ACLY: variants seen among roughly 807,000 people sequenced by gnomAD.
The protein encoded by ACLY is ATP citrate lyase, also known as ATP-citrate synthase.
ACLY carries 41 observed loss-of-function variants against 133.0 expected under a neutral mutation model. The observed-to-expected ratio is 0.31, with a 90% CI of 0.24 to 0.40. The LOEUF (loss-of-function observed/expected upper bound fraction) is 0.40, where lower values mean the gene tolerates loss of function less well. ACLY is among the 10% of genes least tolerant of loss of function. The pLI, the probability that ACLY is intolerant of heterozygous loss-of-function variation, is 1.00. For missense variants in ACLY, 1,046 were observed against 1,453.8 expected, an observed-to-expected ratio of 0.72 and a Z score of 4.56; for synonymous variants, 495 against 549.3, an observed-to-expected ratio of 0.90 and a Z score of 1.38.
At chr17:41,898,199 G>A (rs782202435) in intron 12 of ACLY, among the ~76,000 whole-genome samples, 5 of 151,966 alleles carry the variant, frequency 3.3e-5, no homozygotes, top group South Asian at 2.1e-4. Context: ...TGCAACCTCC[G>A]CCTCCCAGGT....
chr17:41,922,916 C>G (rs982262844), upstream of ACLY, among the ~76,000 whole-genome samples: 2 of 152,216 alleles, frequency 1.3e-5, no homozygotes, highest in African/African-American at 4.8e-5. Context: ...TTTCTGCCCC[C>G]AACGCCCAGC....
chr17:41,915,643 C>T (rs2050032035), intron 1 of ACLY, among the ~76,000 whole-genome samples: 1 of 152,124 alleles, frequency 6.6e-6, no homozygotes, highest in Non-Finnish European at 1.5e-5. Flanking sequence ...TCTGGCCTTC[C>T]CCTGGAATGA....
chr17:41,915,684 G>A (rs1180443062), intron 1 of ACLY, among the ~76,000 whole-genome samples: 1 of 152,142 alleles, frequency 6.6e-6, no homozygotes, highest in Admixed American at 6.5e-5. Context: ...TGAGTTTCCA[G>A]AGACGTCCCA....
At chr17:41,924,578 A>T (rs2050220110) in intron 1 of ACLY, among the ~76,000 whole-genome samples, 1 of 152,104 alleles carries the variant, frequency 6.6e-6, no homozygotes, top group South Asian at 2.1e-4. Flanking sequence ...AGAGCCAAGG[A>T]TTCTAACTTC....
chr17:41,884,402 C>A, intron 18 of ACLY, 128 bp from the exon 19 acceptor site: 1 of 629,938 alleles, frequency 1.6e-6, no homozygotes, highest in Non-Finnish European at 2.9e-6. Context: ...CAGTAAGGGT[C>A]CAGAGATGCC....
Position 41,871,671 on chromosome 17 carries a change from AG to A in ACLY, c.2937+17del, listed in dbSNP as rs1555625058. The A allele has an allele frequency of 6.2e-7, 1 of 1,613,806 alleles. No homozygotes were observed. The highest frequency in any genetic ancestry group is 2.2e-5 in the East Asian group (1 of 44,872). On this transcript the variant is annotated intron_variant, in intron 25 of 28. Coordinates refer to ENST00000352035, the MANE Select transcript of ACLY (RefSeq NM_001096.3). ...CGCCTGGCCTCCATCCCACTTTTTT[AG>A]GAGAGTAACAACTCACCGACTTCAC...
intron 2 of ACLY, among the ~76,000 whole-genome samples, chr17:41,913,431 G>A (rs1026205807): frequency 6.6e-6 from 1 of 152,212 alleles, no homozygotes; most frequent in African/African-American, 2.4e-5. Context: ...ACTCAAAAGA[G>A]GTGAAATGGC....
At position 41,904,711 on chromosome 17, in the gene ACLY, C is replaced by T. The variant is rs1400662829; in HGVS notation, c.1065+18G>A. On this transcript the variant is annotated intron_variant, in intron 10 of 28. Coordinates refer to ENST00000352035, the MANE Select transcript of ACLY (RefSeq NM_001096.3). Reference sequence around the variant, plus strand: ...AAACCACTTTCCCCAGAAACTGCACCACTGTTGCAACTGTTACCTTGAACG... The same window carrying T: ...AAACCACTTTCCCCAGAAACTGCACTACTGTTGCAACTGTTACCTTGAACG... 6.2e-7 allele frequency: 1 copy of T among 1,612,120 alleles called. No homozygotes were observed. The highest frequency in any genetic ancestry group is 8.5e-7 in the Non-Finnish European group (1 of 1,178,372).
At chr17:41,884,792 C>A (rs868952435) in intron 18 of ACLY, among the ~76,000 whole-genome samples, 2 of 152,112 alleles carry the variant, frequency 1.3e-5, no homozygotes, top group Admixed American at 1.3e-4. Flanking sequence ...GTGGCTGAGA[C>A]GGGAGGATCG....
intron 18 of ACLY, among the ~76,000 whole-genome samples, chr17:41,885,138 C>G (rs549894872): frequency 2.6e-5 from 4 of 151,916 alleles, no homozygotes; most frequent in African/African-American, 7.3e-5. Flanking sequence ...CCTCAGCCCC[C>G]CAAAGTGCTG....
intron 14 of ACLY, among the ~76,000 whole-genome samples, chr17:41,894,693 T>TA (rs374694849): frequency 3.7e-4 from 54 of 145,910 alleles, no homozygotes; most frequent in Middle Eastern, 3.6e-3. Flanking sequence ...CAAGTATATT[T>TA]AAAAAAAAAA....
At chr17:41,894,376 CAAAAA>C (rs11351286) in intron 14 of ACLY, among the ~76,000 whole-genome samples, 3 of 59,950 alleles carry the variant, frequency 5.0e-5, no homozygotes, top group Non-Finnish European at 6.0e-5. Flanking sequence ...GACCCTGTCT[CAAAAA>C]AAAAAAAAAA....
intron 9 of ACLY, 48 bp from the exon 10 acceptor site, chr17:41,904,838 T>G: frequency 6.4e-7 from 1 of 1,556,544 alleles, no homozygotes; most frequent in Non-Finnish European, 8.9e-7. Flanking sequence ...TAGGTAGACT[T>G]GAGCATCTTC....
Position 41,867,919 on chromosome 17 carries a change from A to T in ACLY, c.3212-15T>A, listed in dbSNP as rs782135410. 1.9e-6 allele frequency: 3 copies of T among 1,584,782 alleles called. No individual in the cohort carries two copies. The East Asian group carries it at 6.8e-5, about 36-fold the overall frequency. ...AAGATAGTGTCCTAAAATGAAGCAA[A>T]CACATCTTTTTTATTAGAGCTTCAT... On this transcript the variant is annotated splice_polypyrimidine_tract_variant and intron_variant, in intron 28 of 28. Transcript: ENST00000352035.
chr17:41,900,663 C>T (rs781797902), intron 11 of ACLY, among the ~76,000 whole-genome samples: 2 of 151,682 alleles, frequency 1.3e-5, no homozygotes, highest in Non-Finnish European at 2.9e-5. Context: ...AGGTGGAGGC[C>T]GCAATGAGCT....
At chr17:41,918,964 C>T (rs1253848977), upstream of ACLY, 4 of 1,289,108 alleles carry the variant, frequency 3.1e-6, no homozygotes, top group East Asian at 1.1e-4. Context: ...CCGGTAGCTT[C>T]CCGGGATCCG....
intron 24 of ACLY, 41 bp downstream of exon 24, chr17:41,871,991 C>T: frequency 1.9e-6 from 3 of 1,610,314 alleles, no homozygotes; most frequent in Non-Finnish European, 2.5e-6. Context: ...GGCCAAGGCC[C>T]AGTGTCCCCA....
intron 1 of ACLY, among the ~76,000 whole-genome samples, chr17:41,925,186 C>A (rs1248436664): frequency 6.6e-6 from 1 of 151,862 alleles, no homozygotes; most frequent in Non-Finnish European, 1.5e-5. Context: ...CAGGCGCCCA[C>A]CACCACACAG....
intron 13 of ACLY, 72 bp downstream of exon 13, chr17:41,897,677 G>GCT (rs2049410250): frequency 1.4e-6 from 2 of 1,429,482 alleles, no homozygotes; most frequent in East Asian, 4.9e-5. Flanking sequence ...GGGGGAAAGG[G>GCT]AAAGGGGAGA....
Sources: gnomAD v4.1 joint callset for allele counts (sites outside exome capture counted in the v4.1 genomes callset) on GRCh38, gnomAD v4.1.1 for gene constraint, MANE v1.5 for transcripts, NCBI Gene and HGNC (gene_info 2026-07-23, HGNC 2026-07-21) for gene names.